Variants in TNFAIP1 observed in about 807,000 individuals in gnomAD.
TNFAIP1 encodes TNF alpha induced protein 1.
In TNFAIP1, 20 loss-of-function variants were observed where a neutral mutation model predicts 32.6. The ratio of observed to expected loss-of-function variants is 0.61; its 90% confidence interval spans 0.43 to 0.89. TNFAIP1 has a LOEUF of 0.89. Ranked by LOEUF, TNFAIP1 falls within the 40% of genes least tolerant of loss-of-function variation. The pLI is 0.00. For missense variants in TNFAIP1, 319 were observed against 425.1 expected (o/e 0.75, Z 2.20); for synonymous variants, 166 against 166.8 (o/e 1.00, Z 0.04).
In TNFAIP1 at chr17:28,346,436, C is replaced by G. The variant is rs572796896; in HGVS notation, c.*1836C>G. The G allele has an allele frequency of 3.3e-5, 5 of 152,358 alleles. No individual in the cohort carries two copies. Among genetic ancestry groups the G allele is most frequent in the Admixed American group, 1.3e-4 (2 of 15,308 alleles). 9.4% of individuals were successfully genotyped at this position (152,358 alleles called of 1,614,324 possible). On this transcript the variant is annotated 3_prime_UTR_variant, in exon 7 of 7. Transcript: ENST00000226225. ...TTTAACACTCAAATTCCCAGCTCCC[C>G]ACTGAGGTGTTGTGATGCTTGCCTT...
At position 28,345,857 on chromosome 17, in the gene TNFAIP1, G is replaced by A. The variant is rs1214703941; in HGVS notation, c.*1257G>A. The A allele has an allele frequency of 6.6e-6, 1 of 152,284 alleles. No homozygotes were observed. Among genetic ancestry groups the A allele is most frequent in the East Asian group, 1.9e-4 (1 of 5,206 alleles). The allele number at this position is 152,284 out of a possible 1,614,324, so 9.4% of individuals were successfully genotyped here. A position where few individuals can be genotyped will look rare whatever the true frequency, so the allele number is the denominator to read the frequency against. ...CCATGGAGATGCCAAGCACTAGCCA[G>A]GAGGTGAGTTCCTCTTTAGGGCTTT... On this transcript the variant is annotated 3_prime_UTR_variant, in exon 7 of 7. Coordinates refer to ENST00000226225, the MANE Select transcript of TNFAIP1 (RefSeq NM_021137.5).
chr17:28,344,015 T>C (rs572476365), intron 6 of TNFAIP1, among the ~76,000 whole-genome samples: 1 of 152,296 alleles, frequency 6.6e-6, no homozygotes, highest in East Asian at 1.9e-4. Context: ...ACCAACCTTT[T>C]GTACATATGG....
In TNFAIP1 at chr17:28,341,283, C is replaced by T. The variant is rs781914118; in HGVS notation, c.422C>T (p.Thr141Ile). The change falls in exon 4 of 7, where the codon ACA becomes ATA. Residue 141 changes from threonine (T) to isoleucine (I), a missense_variant. Physicochemically the swap from Thr to Ile is moderately conservative, Grantham distance 89. Transcript: ENST00000226225. ...YQPVCNIPII[T>I]SLKEEERLIE... ...CCTGTGTGCAACATCCCCATCATCACATCCCTAAAGGAGGAGGAGCGGCTC... is the reference window on the plus strand; with the variant it reads ...CCTGTGTGCAACATCCCCATCATCATATCCCTAAAGGAGGAGGAGCGGCTC... 18 of 1,614,240 alleles carry T rather than the reference C, an allele frequency of 1.1e-5. No homozygotes were observed. The highest frequency in any genetic ancestry group is 1.7e-5 in the Admixed American group (1 of 60,032).
At chr17:28,344,301 T>G in intron 6 of TNFAIP1, 63 bp from the exon 7 acceptor site, 1 of 1,467,172 alleles carries the variant, frequency 6.8e-7, no homozygotes, top group Middle Eastern at 1.9e-4. Flanking sequence ...GGCCAGCCGC[T>G]CTGACGCATG....
chr17:28,339,978 A>C lies in TNFAIP1; in HGVS notation c.205+252A>C, dbSNP rs118134701. Among the ~76,000 whole-genome samples the C allele has an allele frequency of 5.9e-3, 904 of 152,332 alleles. 5 individuals carry two copies. Among genetic ancestry groups the C allele is most frequent in the Non-Finnish European group, 0.011 (726 of 68,036 alleles). ...TTCTCATAGGAGCCGTCACCTTAAG[A>C]CTGGGCAGCGGGCAGAAGGCCGGCA... On this transcript the variant is annotated intron_variant, in intron 2 of 6. Coordinates refer to ENST00000226225, the MANE Select transcript of TNFAIP1 (RefSeq NM_021137.5).
At chr17:28,339,241 G>GA (rs1316145348) in intron 1 of TNFAIP1, among the ~76,000 whole-genome samples, 167 bp from the exon 2 acceptor site, 945 of 82,392 alleles carry the variant, frequency 0.011, 9 homozygotes, top group African/African-American at 0.033. Flanking sequence ...CTGTCTCTAA[G>GA]AAAAAAAAAA....
chr17:28,336,217 CTCCGCGGCTG>C (rs1473765947), intron 1 of TNFAIP1, among the ~76,000 whole-genome samples: 10 of 152,198 alleles, frequency 6.6e-5, no homozygotes, highest in Admixed American at 3.9e-4. Flanking sequence ...CTCTTTCCAC[CTCCGCGGCTG>C]TTTGCCCTTT....
At position 28,342,696 on chromosome 17, in the gene TNFAIP1, G is replaced by A. The variant is rs1001377599; in HGVS notation, c.714+254G>A. Reference sequence around the variant, plus strand: ...TAGCCTAGTACAGTGGGAAGGACTGGGTCTTTGAAGTTGGCCCAATTCAGG... The same window carrying A: ...TAGCCTAGTACAGTGGGAAGGACTGAGTCTTTGAAGTTGGCCCAATTCAGG... On this transcript the variant is annotated intron_variant, in intron 6 of 6. Transcript: ENST00000226225. The surrounding 1 kb of genome is among the most constrained non-coding windows in gnomAD (Gnocchi z 4.0). 1.1e-4 allele frequency among the ~76,000 whole-genome samples: 17 copies of A among 152,198 alleles called. No homozygotes were observed. The highest frequency in any genetic ancestry group is 4.1e-4 in the African/African-American group (17 of 41,446).
chr17:28,336,179 C>G (rs9911041), intron 1 of TNFAIP1, among the ~76,000 whole-genome samples: 2 of 152,218 alleles, frequency 1.3e-5, no homozygotes, highest in African/African-American at 4.8e-5. Context: ...TGACGGATTT[C>G]TGGGTCCTTC....
chr17:28,338,577 C>G (rs1907251322), intron 1 of TNFAIP1, among the ~76,000 whole-genome samples: 1 of 151,724 alleles, frequency 6.6e-6, no homozygotes, highest in Admixed American at 6.6e-5. Context: ...ACTTTCCTTC[C>G]TGAAGCCAGA....
chr17:28,344,704 C>T lies in TNFAIP1; in HGVS notation c.*104C>T. ...GCTGCTGCCTGGGTCTCTGCTCTAG[C>T]ACCCAGAGGCATGACAGGCCCTGCT... is the stretch of plus-strand genomic sequence containing the variant. On this transcript the variant is annotated 3_prime_UTR_variant, in exon 7 of 7. Coordinates refer to ENST00000226225, the MANE Select transcript of TNFAIP1 (RefSeq NM_021137.5). The T allele has an allele frequency of 1.7e-6, 2 of 1,157,150 alleles. No homozygotes were observed. Among genetic ancestry groups the T allele is most frequent in the African/African-American group, 1.5e-5 (1 of 66,350 alleles). 71.7% of individuals were successfully genotyped at this position (1,157,150 alleles called of 1,614,324 possible).
intron 2 of TNFAIP1, 27 bp downstream of exon 2, chr17:28,339,753 G>T: frequency 1.2e-6 from 2 of 1,607,510 alleles, no homozygotes; most frequent in South Asian, 1.1e-5. Flanking sequence ...GCCGCTCGGG[G>T]TGGGGAGGGC....
rs782175638 is a variant in TNFAIP1 at position 28,345,281 on chromosome 17, G to A, written c.*681G>A. On this transcript the variant is annotated 3_prime_UTR_variant, in exon 7 of 7. Coordinates refer to ENST00000226225, the MANE Select transcript of TNFAIP1 (RefSeq NM_021137.5). ...CCCTGCAGAATCAATCTGAGGGAGG[G>A]GATAAAGAGGAAGCAATAAAAAAAA... 2.0e-5 allele frequency: 3 copies of A among 152,090 alleles called. No individual in the cohort carries two copies. Among genetic ancestry groups the A allele is most frequent in the Non-Finnish European group, 4.4e-5 (3 of 67,964 alleles). 9.4% of individuals were successfully genotyped at this position (152,090 alleles called of 1,614,324 possible).
rs1328305455 is a variant in TNFAIP1 at position 28,342,655 on chromosome 17, G to A, written c.714+213G>A. ...TTCCTGACAGCGCAGGGCAGGGGCCGTTGACCACCAGGAAGTAGCCTAGTA... is the reference window on the plus strand; with the variant it reads ...TTCCTGACAGCGCAGGGCAGGGGCCATTGACCACCAGGAAGTAGCCTAGTA... On this transcript the variant is annotated intron_variant, in intron 6 of 6. Coordinates refer to ENST00000226225, the MANE Select transcript of TNFAIP1 (RefSeq NM_021137.5). This position sits in a 1 kb window ranked among gnomAD's most constrained non-coding sequence, Gnocchi z 4.0. The A allele has an allele frequency of 3.4e-5, 16 of 469,414 alleles. No individual in the cohort carries two copies. The highest frequency in any genetic ancestry group is 1.7e-4 in the South Asian group (3 of 17,618). The allele number at this position is 469,414 out of a possible 1,614,324, so 29.1% of individuals were successfully genotyped here. A position where few individuals can be genotyped will look rare whatever the true frequency, so the allele number is the denominator to read the frequency against.
Position 28,340,462 on chromosome 17 carries a change from G to A in TNFAIP1, c.359G>A (p.Cys120Tyr), listed in dbSNP as rs1414694707. Residue 120 changes from cysteine to tyrosine, a missense_variant, in exon 3 of 7, where the codon TGC becomes TAC. Physicochemically the swap from Cys to Tyr is radical, Grantham distance 194. Coordinates refer to ENST00000226225, the MANE Select transcript of TNFAIP1 (RefSeq NM_021137.5). The surrounding 1 kb of genome is among the most constrained non-coding windows in gnomAD (Gnocchi z 4.1). ...CTCATCCAGGGGCTGGTGAATATGTGCCAGAGTGCCCTGCAGGTACATGGG... is the reference window on the plus strand; with the variant it reads ...CTCATCCAGGGGCTGGTGAATATGTACCAGAGTGCCCTGCAGGTACATGGG... Reference protein sequence around the residue: ...YYLIQGLVNMCQSALQDKKDS... With the variant: ...YYLIQGLVNMYQSALQDKKDS... The A allele has an allele frequency of 6.2e-7, 1 of 1,613,836 alleles. No individual in the cohort carries two copies. Among genetic ancestry groups the A allele is most frequent in the Non-Finnish European group, 8.5e-7 (1 of 1,179,944 alleles).
Position 28,341,228 on chromosome 17 carries a change from G to A in TNFAIP1, c.376-9G>A. 1 of 1,614,064 alleles carries A rather than the reference G, an allele frequency of 6.2e-7. No homozygotes were observed. Among genetic ancestry groups the A allele is most frequent in the Non-Finnish European group, 8.5e-7 (1 of 1,179,968 alleles). ...TCCTAAAGAGGGTTCTCTGTTCTGT[G>A]TCGCACAGGACAAGAAGGACTCCTA... On this transcript the variant is annotated splice_polypyrimidine_tract_variant and intron_variant, in intron 3 of 6. Coordinates refer to ENST00000226225, the MANE Select transcript of TNFAIP1 (RefSeq NM_021137.5).
In TNFAIP1 at chr17:28,344,476, AG is replaced by A; in HGVS notation, c.829del (p.Ala277LeufsTer75). ...GAGGCCACAAGCCGTAGCCGCAGCC[AG>A]GCTTCCCCCAGTGAAGATGAGGAGA... ...LLEATSRSRS[Q>X]ASPSEDEETF... On this transcript the variant is annotated frameshift_variant, in exon 7 of 7. Transcript: ENST00000226225. LOFTEE classifies it high-confidence loss of function. 1 of 1,614,056 alleles carries A rather than the reference AG, an allele frequency of 6.2e-7. No homozygotes were observed. The highest frequency in any genetic ancestry group is 8.5e-7 in the Non-Finnish European group (1 of 1,180,024).
In TNFAIP1 at chr17:28,339,701, C is replaced by T. The variant is rs781944317; in HGVS notation, c.180C>T (p.Arg60=). The change falls in exon 2 of 7, where the codon CGC becomes CGT. Residue 60 remains arginine, a synonymous_variant. Transcript: ENST00000226225. The part of the protein sequence containing the change: ...DTMLKAMFSG[R]MEVLTDKEGW... ...TGCTCAAGGCCATGTTCAGTGGGCG[C>T]ATGGAGGTGCTGACCGACAAAGAAG... 6.2e-7 allele frequency: 1 copy of T among 1,613,920 alleles called. No individual in the cohort carries two copies. Among genetic ancestry groups the T allele is most frequent in the Non-Finnish European group, 8.5e-7 (1 of 1,179,980 alleles).
rs1284263659 is a variant in TNFAIP1, at chr17:28,340,374, A to G, written c.271A>G (p.Thr91Ala). The change falls in exon 3 of 7, where the codon ACC (threonine) becomes GCC (alanine). Residue 91 changes from threonine (T) to alanine (A), a missense_variant. Thr to Ala is a moderately conservative substitution (Grantham distance 58). Transcript: ENST00000226225. This position sits in a 1 kb window ranked among gnomAD's most constrained non-coding sequence, Gnocchi z 4.1. ...GTILNYLRDD[T>A]ITLPQNRQEI... Reference sequence around the variant, plus strand: ...CATTTTGAATTACCTCCGAGATGACACCATCACCCTCCCTCAGAACCGGCA... The same window carrying G: ...CATTTTGAATTACCTCCGAGATGACGCCATCACCCTCCCTCAGAACCGGCA... 5 of 1,613,964 alleles carry G rather than the reference A, an allele frequency of 3.1e-6. No individual in the cohort carries two copies. Among genetic ancestry groups the G allele is most frequent in the Non-Finnish European group, 4.2e-6 (5 of 1,180,004 alleles).
Sources: allele counts gnomAD v4.1 joint callset (sites outside exome capture counted in the v4.1 genomes callset), GRCh38; gene constraint gnomAD v4.1.1; non-coding constraint Gnocchi (gnomAD v3.1); transcripts MANE v1.5; gene names NCBI Gene and HGNC (gene_info 2026-07-23, HGNC 2026-07-21).